Variants in ZNF148 observed in about 807,000 individuals in gnomAD.
ZNF148 encodes zinc finger protein 148, also known as Beta-Enolase Repressor Factor-1.
ZNF148 carries 7 observed loss-of-function variants against 67.7 expected under a neutral mutation model. The observed-to-expected ratio is 0.10, with a 90% CI of 0.06 to 0.19. The LOEUF (loss-of-function observed/expected upper bound fraction) is 0.19, where lower values mean the gene tolerates loss of function less well. Ranked by LOEUF, ZNF148 falls within the 10% of genes least tolerant of loss-of-function variation. ZNF148 has a pLI of 1.00. For synonymous variants in ZNF148, 333 were observed against 330.7 expected, an observed-to-expected ratio of 1.01 and a Z score of -0.08; for missense variants, 583 against 947.1, an observed-to-expected ratio of 0.62 and a Z score of 5.05.
chr3:125,354,604 T>C (rs527819941), intron 1 of ZNF148, among the ~76,000 whole-genome samples: 1 of 152,356 alleles, frequency 6.6e-6, no homozygotes, highest in South Asian at 2.1e-4. Flanking sequence ...ATCAGCACAA[T>C]AATTCACCAC....
chr3:125,366,269 C>T (rs1220192256), intron 1 of ZNF148, among the ~76,000 whole-genome samples: 1 of 152,172 alleles, frequency 6.6e-6, no homozygotes, highest in African/African-American at 2.4e-5. Flanking sequence ...CATAATCATA[C>T]AGTGGGTAAA....
At chr3:125,310,305 C>T (rs1940131735) in intron 4 of ZNF148, among the ~76,000 whole-genome samples, 1 of 151,928 alleles carries the variant, frequency 6.6e-6, no homozygotes, top group African/African-American at 2.4e-5. Context: ...GTCTCAAACT[C>T]CTGAGCTCAA....
At chr3:125,248,598 T>C (rs1476608037) in intron 7 of ZNF148, among the ~76,000 whole-genome samples, 1 of 152,250 alleles carries the variant, frequency 6.6e-6, no homozygotes, top group Admixed American at 6.5e-5. Context: ...CAGGGTCCTG[T>C]GGCTTTTTGC....
At chr3:125,352,523 T>C (rs962683586) in intron 1 of ZNF148, among the ~76,000 whole-genome samples, 5 of 152,118 alleles carry the variant, frequency 3.3e-5, no homozygotes, top group East Asian at 1.9e-4. Flanking sequence ...AGTGGGTGAA[T>C]TGTATGGTAT....
At chr3:125,238,495 G>C (rs1457937925) in intron 7 of ZNF148, among the ~76,000 whole-genome samples, 3 of 152,012 alleles carry the variant, frequency 2.0e-5, no homozygotes, top group Non-Finnish European at 4.4e-5. Context: ...AGGCATGGTG[G>C]CACACTCCTG....
intron 1 of ZNF148, chr3:125,344,522 T>G: frequency 8.9e-7 from 1 of 1,127,160 alleles, no homozygotes; most frequent in Non-Finnish European, 1.3e-6. Flanking sequence ...TTACAAAATG[T>G]GAAGCCAAAC....
intron 7 of ZNF148, among the ~76,000 whole-genome samples, chr3:125,266,801 G>A (rs1039906438): frequency 6.6e-6 from 1 of 151,898 alleles, no homozygotes; most frequent in Non-Finnish European, 1.5e-5. Flanking sequence ...AAGATTGACA[G>A]ACCACTAGCT....
intron 7 of ZNF148, among the ~76,000 whole-genome samples, chr3:125,266,883 A>G (rs1374014601): frequency 6.6e-6 from 1 of 152,166 alleles, no homozygotes; most frequent in Non-Finnish European, 1.5e-5. Context: ...CTAATCCCAC[A>G]GAAATACAAA....
At chr3:125,312,393 T>C (rs945259826) in intron 4 of ZNF148, among the ~76,000 whole-genome samples, 1 of 152,212 alleles carries the variant, frequency 6.6e-6, no homozygotes, top group Admixed American at 6.5e-5. Flanking sequence ...CAAGTAGTTA[T>C]CCGCTCATTC....
At chr3:125,323,502 A>G in intron 2 of ZNF148, 58 bp from the exon 3 acceptor site, 1 of 598,264 alleles carries the variant, frequency 1.7e-6, no homozygotes, top group Non-Finnish European at 3.0e-6. Context: ...ATACTATACA[A>G]ATATAATATG....
chr3:125,306,347 G>A (rs531332911), intron 4 of ZNF148, among the ~76,000 whole-genome samples: 2 of 151,894 alleles, frequency 1.3e-5, no homozygotes, highest in Non-Finnish European at 2.9e-5. Flanking sequence ...CGATAAAACC[G>A]AAACTTCACT....
chr3:125,327,430 C>T (rs1410846276), intron 2 of ZNF148, among the ~76,000 whole-genome samples: 6 of 152,180 alleles, frequency 3.9e-5, no homozygotes, highest in Admixed American at 6.5e-5. Flanking sequence ...CCAAACAATA[C>T]TAGAATACAT....
intron 7 of ZNF148, among the ~76,000 whole-genome samples, chr3:125,246,455 T>C (rs1325015259): frequency 6.6e-6 from 1 of 152,210 alleles, no homozygotes; most frequent in African/African-American, 2.4e-5. Context: ...CAGCATTTCT[T>C]ACTGTGAGAA....
chr3:125,324,281 C>G (rs1158750114), intron 2 of ZNF148, among the ~76,000 whole-genome samples: 1 of 152,028 alleles, frequency 6.6e-6, no homozygotes, highest in African/African-American at 2.4e-5. Flanking sequence ...GCAGGCCTTA[C>G]AAACAAACAG....
intron 1 of ZNF148, among the ~76,000 whole-genome samples, chr3:125,353,595 A>G (rs1451623889): frequency 6.6e-6 from 1 of 152,170 alleles, no homozygotes; most frequent in Non-Finnish European, 1.5e-5. Context: ...CTGTGAGTCT[A>G]TAATTTTTTC....
At chr3:125,337,953 T>A (rs1247136659) in intron 1 of ZNF148, among the ~76,000 whole-genome samples, 3 of 151,906 alleles carry the variant, frequency 2.0e-5, no homozygotes, top group Non-Finnish European at 4.4e-5. Context: ...AAAAAAAATT[T>A]TTTTTGTTAG....
intron 7 of ZNF148, among the ~76,000 whole-genome samples, chr3:125,274,141 CA>C (rs1297001554): frequency 6.6e-5 from 10 of 152,092 alleles, no homozygotes; most frequent in Non-Finnish European, 2.9e-5. Flanking sequence ...AAGGGCACGT[CA>C]GACAAAAGTA....
intron 1 of ZNF148, among the ~76,000 whole-genome samples, chr3:125,373,141 A>G (rs1444709353): frequency 1.3e-5 from 2 of 151,324 alleles, no homozygotes; most frequent in Admixed American, 6.6e-5. Context: ...TGAGTACAGC[A>G]TACTATGTTT....
In ZNF148 at chr3:125,334,098, A is replaced by G. The variant is rs549868414; in HGVS notation, c.-233-2860T>C. Among the ~76,000 whole-genome samples, 16 of 152,352 alleles carry G rather than the reference A, an allele frequency of 1.1e-4. No individual in the cohort carries two copies. The South Asian group carries it at 1.7e-3, about 16-fold the overall frequency. ...AAATTTTCTACTAATACCAATTTGA[A>G]TAATTATGGCACAGAAATAAAATGC... On this transcript the variant is annotated intron_variant, in intron 1 of 8. Coordinates refer to ENST00000360647, the MANE Select transcript of ZNF148 (RefSeq NM_021964.3).
Sources: allele counts gnomAD v4.1 joint callset (sites outside exome capture counted in the v4.1 genomes callset), GRCh38; gene constraint gnomAD v4.1.1; transcripts MANE v1.5; gene names NCBI Gene and HGNC (gene_info 2026-07-23, HGNC 2026-07-21).